Variants in SNX7 observed in about 807,000 individuals in gnomAD.
SNX7 encodes the protein sorting nexin-7.
SNX7 carries 35 observed loss-of-function variants against 48.4 expected under a neutral mutation model. That is an observed-to-expected ratio of 0.72 (90% CI 0.55 to 0.96). The LOEUF is 0.96. Ranked by LOEUF, SNX7 falls within the 40% of genes least tolerant of loss-of-function variation. SNX7 has a pLI of 0.00. For missense variants in SNX7, 553 were observed against 548.9 expected (o/e 1.01, Z -0.07); for synonymous variants, 190 against 190.2 (o/e 1.00, Z 0.01).
chr1:98,661,555 TG>T, upstream of SNX7: 2 of 444,272 alleles, frequency 4.5e-6, no homozygotes, highest in South Asian at 1.1e-4. Context: ...CCAGGCCAGG[TG>T]GGGATGCGCC....
intron 1 of SNX7, among the ~76,000 whole-genome samples, chr1:98,675,108 A>G (rs916371220): frequency 3.9e-5 from 6 of 152,186 alleles, no homozygotes; most frequent in African/African-American, 1.4e-4. Context: ...TGTGGAGGTG[A>G]GACCTTTGTT....
At chr1:98,688,938 T>C (rs545887289) in intron 2 of SNX7, among the ~76,000 whole-genome samples, 16 of 152,182 alleles carry the variant, frequency 1.1e-4, no homozygotes, top group Non-Finnish European at 2.2e-4. Flanking sequence ...AGAGTCTCGC[T>C]CTGTCACCCA....
At chr1:98,755,426 G>T (rs944922652) in intron 8 of SNX7, among the ~76,000 whole-genome samples, 4 of 151,848 alleles carry the variant, frequency 2.6e-5, no homozygotes, top group Non-Finnish European at 4.4e-5. Flanking sequence ...CTTTCTCCTT[G>T]TATTTCTGTC....
chr1:98,725,758 A>T (rs576736828), intron 7 of SNX7, among the ~76,000 whole-genome samples: 30 of 152,242 alleles, frequency 2.0e-4, no homozygotes, highest in African/African-American at 7.0e-4. Context: ...AATGTCTTGG[A>T]TTTGAGAGGA....
At chr1:98,751,423 C>T (rs1461341187) in intron 8 of SNX7, among the ~76,000 whole-genome samples, 3 of 151,950 alleles carry the variant, frequency 2.0e-5, no homozygotes, top group Non-Finnish European at 2.9e-5. Flanking sequence ...AGGTTTTCAG[C>T]CTGTGTGTAG....
At chr1:98,673,283 G>T (rs927041659) in intron 1 of SNX7, among the ~76,000 whole-genome samples, 2 of 152,118 alleles carry the variant, frequency 1.3e-5, no homozygotes, top group Middle Eastern at 3.4e-3. Flanking sequence ...TATTCTTCCT[G>T]CCTTGGGCCT....
chr1:98,736,844 A>C (rs550030617), intron 7 of SNX7, among the ~76,000 whole-genome samples: 1 of 152,208 alleles, frequency 6.6e-6, no homozygotes, highest in African/African-American at 2.4e-5. Flanking sequence ...ACATTTTAGC[A>C]TCTTGAAATG....
At chr1:98,706,106 A>T (rs747424865) in intron 7 of SNX7, among the ~76,000 whole-genome samples, 1 of 152,184 alleles carries the variant, frequency 6.6e-6, no homozygotes, top group African/African-American at 2.4e-5. Flanking sequence ...AAGTTAATTG[A>T]CTATTTACCA....
chr1:98,669,692 A>G (rs141773572), intron 1 of SNX7, among the ~76,000 whole-genome samples: 2 of 152,306 alleles, frequency 1.3e-5, no homozygotes, highest in Non-Finnish European at 2.9e-5. Flanking sequence ...CACTATGTGA[A>G]CTTACTGTGT....
chr1:98,673,001 T>A (rs1307441543), intron 1 of SNX7, among the ~76,000 whole-genome samples: 1 of 151,658 alleles, frequency 6.6e-6, no homozygotes, highest in Non-Finnish European at 1.5e-5. Flanking sequence ...TTTGATATGA[T>A]TAATCACCTC....
rs371219132 is a variant in SNX7 at position 98,685,048 on chromosome 1, C to T, written c.344C>T (p.Thr115Met). 62 of 1,534,604 alleles carry T rather than the reference C, an allele frequency of 4.0e-5. No individual in the cohort carries two copies. Among genetic ancestry groups the T allele is most frequent in the Non-Finnish European group, 5.0e-5 (57 of 1,135,154 alleles). The part of the protein sequence containing the change: ...SHVTTIETFI[T>M]YRIITKTSRG... ...GTTACTACAATAGAAACTTTCATTACGTATAGGATTATTACTAAGGTAAAC... is the reference window on the plus strand; with the variant it reads ...GTTACTACAATAGAAACTTTCATTATGTATAGGATTATTACTAAGGTAAAC... Residue 115 changes from threonine (T) to methionine (M), a missense_variant, in exon 2 of 9, where the codon ACG becomes ATG. Thr to Met is a moderately conservative substitution (Grantham distance 81, BLOSUM62 -1). Coordinates refer to ENST00000306121, the MANE Select transcript of SNX7 (RefSeq NM_015976.5).
chr1:98,696,254 A>G (rs1286409358), intron 5 of SNX7, among the ~76,000 whole-genome samples: 1 of 151,188 alleles, frequency 6.6e-6, no homozygotes, highest in Non-Finnish European at 1.5e-5. Context: ...CTAATTTTCT[A>G]ATTGCATTTA....
chr1:98,757,727 CTGAT>C (rs36110396), intron 8 of SNX7, among the ~76,000 whole-genome samples: 58,584 of 150,306 alleles, frequency 0.39, 11,651 homozygotes, highest in African/African-American at 0.46. Context: ...TAGTATCTAC[CTGAT>C]TGATTGATTG....
chr1:98,708,579 G>GCA (rs1241250657), intron 7 of SNX7, among the ~76,000 whole-genome samples: 1 of 151,960 alleles, frequency 6.6e-6, no homozygotes, highest in African/African-American at 2.4e-5. Context: ...TAGTGGGTTT[G>GCA]CACACACACA....
intron 8 of SNX7, among the ~76,000 whole-genome samples, chr1:98,742,858 TCA>T (rs982933761): frequency 4.6e-4 from 70 of 152,176 alleles, no homozygotes; most frequent in African/African-American, 1.6e-3. Flanking sequence ...TTATTTTGTG[TCA>T]CAATGATTAA....
chr1:98,662,914 A>G (rs1649327571), intron 1 of SNX7: 7 of 1,101,326 alleles, frequency 6.4e-6, no homozygotes, highest in South Asian at 1.5e-5. Context: ...AGAGGAGTAT[A>G]TAAAACTTAT....
intron 8 of SNX7, among the ~76,000 whole-genome samples, chr1:98,740,470 AGTATAT>A (rs1352620033): frequency 1.3e-5 from 2 of 152,172 alleles, no homozygotes; most frequent in Non-Finnish European, 2.9e-5. Flanking sequence ...ACAAAACCTA[AGTATAT>A]TAGGGTATAA....
intron 7 of SNX7, among the ~76,000 whole-genome samples, chr1:98,713,783 A>C (rs1444605994): frequency 6.6e-6 from 1 of 152,230 alleles, no homozygotes; most frequent in Non-Finnish European, 1.5e-5. Context: ...CAGAACATAC[A>C]CATTTATGGA....
At chr1:98,699,573 G>C (rs961018981) in intron 6 of SNX7, among the ~76,000 whole-genome samples, 18 of 152,264 alleles carry the variant, frequency 1.2e-4, no homozygotes, top group African/African-American at 4.3e-4. Flanking sequence ...CAGTGTTTTA[G>C]GGTGGTGATG....
Sources: gnomAD v4.1 joint callset for allele counts (sites outside exome capture counted in the v4.1 genomes callset) on GRCh38, gnomAD v4.1.1 for gene constraint, MANE v1.5 for transcripts, NCBI Gene and HGNC (gene_info 2026-07-23, HGNC 2026-07-21) for gene names.